The following FGF12 variants were observed in gnomAD, a reference collection of about 807,000 sequenced individuals.
The protein encoded by FGF12 is fibroblast growth factor 12, also known as fibroblast growth factor 12B.
In FGF12, 14 loss-of-function variants were observed where a neutral mutation model predicts 23.6. The observed-to-expected ratio is 0.59, with a 90% CI of 0.39 to 0.93. FGF12 has a LOEUF of 0.93. Among genes scored for constraint, FGF12 ranks in the 40% least tolerant of loss-of-function variants. The pLI is 0.00. For synonymous variants in FGF12, 62 were observed against 77.3 expected (o/e 0.80, Z 1.04); for missense variants, 175 against 217.8 (o/e 0.80, Z 1.24).
intron 4 of FGF12, among the ~76,000 whole-genome samples, chr3:192,325,481 G>A (rs1716770714): frequency 6.6e-6 from 1 of 152,094 alleles, no homozygotes; most frequent in Non-Finnish European, 1.5e-5. Context: ...TAATAGTTAA[G>A]GTTCTTGTTT....
intron 2 of FGF12, among the ~76,000 whole-genome samples, chr3:192,473,386 T>A (rs1388711282): frequency 5.9e-5 from 9 of 152,158 alleles, no homozygotes; most frequent in Non-Finnish European, 1.2e-4. Flanking sequence ...AGTTGATGGT[T>A]ATTATGGGGT....
chr3:192,539,789 G>A (rs1009054718), intron 2 of FGF12, among the ~76,000 whole-genome samples: 1 of 151,784 alleles, frequency 6.6e-6, no homozygotes, highest in Non-Finnish European at 1.5e-5. Flanking sequence ...CAGGCTTTTC[G>A]TTGCTGGGTG....
intron 4 of FGF12, among the ~76,000 whole-genome samples, chr3:192,308,660 A>C (rs920271960): frequency 6.6e-6 from 1 of 151,964 alleles, no homozygotes; most frequent in East Asian, 1.9e-4. Context: ...AGCCTGGCCA[A>C]CAAGAACGAA....
chr3:192,165,286 G>T (rs1158649093), intron 5 of FGF12, among the ~76,000 whole-genome samples: 1 of 147,790 alleles, frequency 6.8e-6, no homozygotes, highest in East Asian at 2.1e-4. Context: ...TTATGGCTAG[G>T]ATGCCTTTCA....
In FGF12 at chr3:192,360,788, G is replaced by A. The variant is rs1269609813; in HGVS notation, c.14-250C>T. 1.7e-5 allele frequency: 8 copies of A among 481,988 alleles called. No homozygotes were observed. In the East Asian group the frequency reaches 2.6e-4, roughly 15 times the overall value. 29.9% of individuals were successfully genotyped at this position (481,988 alleles called of 1,614,324 possible). Reference sequence around the variant, plus strand: ...AGCTAATTATGATTGGGAAAATACAGAGACATGCTAAAAAGTGAGTTATTT... The same window carrying A: ...AGCTAATTATGATTGGGAAAATACAAAGACATGCTAAAAAGTGAGTTATTT... On this transcript the variant is annotated intron_variant, in intron 2 of 5. Coordinates refer to ENST00000445105, the MANE Select transcript of FGF12 (RefSeq NM_004113.6). The surrounding 1 kb of genome is among the most constrained non-coding windows in gnomAD (Gnocchi z 4.3).
At chr3:192,276,550 A>G (rs1647831995) in intron 4 of FGF12, among the ~76,000 whole-genome samples, 2 of 152,150 alleles carry the variant, frequency 1.3e-5, no homozygotes, top group African/African-American at 4.8e-5. Context: ...TTAGAAAACA[A>G]TACCCCCAAC....
At chr3:192,427,862 G>C (rs1346047624) in intron 2 of FGF12, among the ~76,000 whole-genome samples, 1 of 152,196 alleles carries the variant, frequency 6.6e-6, no homozygotes, top group African/African-American at 2.4e-5. Flanking sequence ...AAGTAGGTAT[G>C]GGGGACACAG....
At chr3:192,175,888 T>A (rs1207377325) in intron 4 of FGF12, among the ~76,000 whole-genome samples, 1 of 152,118 alleles carries the variant, frequency 6.6e-6, no homozygotes, top group Non-Finnish European at 1.5e-5. Flanking sequence ...AACACTGAAT[T>A]TCTTCCTGTT....
At chr3:192,494,659 T>A (rs554328683) in intron 2 of FGF12, among the ~76,000 whole-genome samples, 2 of 152,284 alleles carry the variant, frequency 1.3e-5, no homozygotes, top group East Asian at 3.9e-4. Context: ...TGCTTTGTGA[T>A]CTGCATGGAA....
At position 192,689,371 on chromosome 3, in the gene FGF12, C is replaced by T. The variant is rs544249999; in HGVS notation, c.13+37810G>A. On this transcript the variant is annotated intron_variant, in intron 2 of 5. Coordinates refer to ENST00000445105, the MANE Select transcript of FGF12 (RefSeq NM_004113.6). ...CTCATGAATATGTACAAATATGTAT[C>T]GTTTTAAAAGAAGTTCAGCAAACAA... Among the ~76,000 whole-genome samples the T allele has an allele frequency of 5.3e-5, 8 of 152,004 alleles. No individual in the cohort carries two copies. The South Asian group carries it at 8.3e-4, about 16-fold the overall frequency.
At chr3:192,294,382 C>T (rs888789281) in intron 4 of FGF12, among the ~76,000 whole-genome samples, 3 of 151,924 alleles carry the variant, frequency 2.0e-5, no homozygotes, top group African/African-American at 7.3e-5. Flanking sequence ...TCCCAAAGGC[C>T]CCATTTCCTA....
chr3:192,410,237 C>G (rs918597659), intron 2 of FGF12, among the ~76,000 whole-genome samples: 1 of 152,198 alleles, frequency 6.6e-6, no homozygotes, highest in African/African-American at 2.4e-5. Flanking sequence ...TGGAGCCCTC[C>G]GCTTCCAGAC....
At chr3:192,250,334 G>A (rs1711923779) in intron 4 of FGF12, among the ~76,000 whole-genome samples, 1 of 152,056 alleles carries the variant, frequency 6.6e-6, no homozygotes, top group Non-Finnish European at 1.5e-5. Context: ...GGAAAAATTA[G>A]AGTCATTATT....
At chr3:192,545,139 G>T (rs1284783806) in intron 2 of FGF12, among the ~76,000 whole-genome samples, 1 of 152,060 alleles carries the variant, frequency 6.6e-6, no homozygotes. Context: ...GCATTATAGG[G>T]GATTTCTGTG....
intron 5 of FGF12, among the ~76,000 whole-genome samples, chr3:192,160,972 A>C (rs1293632705): frequency 1.3e-5 from 2 of 152,160 alleles, no homozygotes; most frequent in African/African-American, 2.4e-5. Flanking sequence ...TCCTTTAGTT[A>C]AGTGATATTT....
chr3:192,279,469 C>G (rs748831327), intron 4 of FGF12, among the ~76,000 whole-genome samples: 1 of 152,018 alleles, frequency 6.6e-6, no homozygotes, highest in South Asian at 2.1e-4. Context: ...GAAGTAGTCA[C>G]TATTATATTC....
rs920163638 is a variant in FGF12, at chr3:192,315,264, T to C, written c.228+20097A>G. 7.2e-5 allele frequency among the ~76,000 whole-genome samples: 11 copies of C among 152,250 alleles called. 2 individuals carry two copies. Among genetic ancestry groups the C allele is most frequent in the Admixed American group, 2.0e-4 (3 of 15,290 alleles). On this transcript the variant is annotated intron_variant, in intron 4 of 5. Transcript: ENST00000445105. Reference sequence around the variant, plus strand: ...AGGTGTTTAAAATTTGTTTCGTCGTTGTTGTTGTTGTTGTTTTATGTCTTT... The same window carrying C: ...AGGTGTTTAAAATTTGTTTCGTCGTCGTTGTTGTTGTTGTTTTATGTCTTT...
At chr3:192,425,560 A>G (rs1409743921) in intron 2 of FGF12, among the ~76,000 whole-genome samples, 1 of 152,226 alleles carries the variant, frequency 6.6e-6, no homozygotes, top group Non-Finnish European at 1.5e-5. Flanking sequence ...GATTAATAAA[A>G]TTAAATCAAT....
intron 2 of FGF12, among the ~76,000 whole-genome samples, chr3:192,430,873 G>A (rs1019015001): frequency 6.6e-6 from 1 of 152,132 alleles, no homozygotes; most frequent in Non-Finnish European, 1.5e-5. Flanking sequence ...TGTATTGGGA[G>A]CATAATTGTT....
Sources: allele counts gnomAD v4.1 joint callset (sites outside exome capture counted in the v4.1 genomes callset), GRCh38; gene constraint gnomAD v4.1.1; non-coding constraint Gnocchi (gnomAD v3.1); transcripts MANE v1.5; gene names NCBI Gene and HGNC (gene_info 2026-07-23, HGNC 2026-07-21).